HIKESHI: variants seen among roughly 807,000 people sequenced by gnomAD.
The protein encoded by HIKESHI is heat shock protein nuclear import factor hikeshi.
A neutral mutation model predicts 25.7 loss-of-function variants in HIKESHI; 13 were observed. The observed-to-expected ratio is 0.51, with a 90% CI of 0.33 to 0.80. The LOEUF (loss-of-function observed/expected upper bound fraction) is 0.80, where lower values mean the gene tolerates loss of function less well. HIKESHI is among the 30% of genes least tolerant of loss of function. HIKESHI has a pLI of 0.02. For missense variants in HIKESHI, 174 were observed against 229.5 expected, an observed-to-expected ratio of 0.76 and a Z score of 1.56; for synonymous variants, 76 against 78.7, an observed-to-expected ratio of 0.97 and a Z score of 0.18.
intron 2 of HIKESHI, among the ~76,000 whole-genome samples, chr11:86,333,557 C>T (rs77690162): frequency 1.4e-5 from 2 of 144,602 alleles, no homozygotes; most frequent in African/African-American, 5.1e-5. Flanking sequence ...AACAAACAAA[C>T]AAAAAAAAAA....
intron 2 of HIKESHI, among the ~76,000 whole-genome samples, chr11:86,329,866 T>C (rs1947377401): frequency 6.6e-6 from 1 of 152,102 alleles, no homozygotes; most frequent in South Asian, 2.1e-4. Context: ...ATAAATTTCC[T>C]TTATAACATA....
At chr11:86,305,060 C>T (rs960366975) in intron 1 of HIKESHI, among the ~76,000 whole-genome samples, 11 of 152,266 alleles carry the variant, frequency 7.2e-5, no homozygotes, top group Non-Finnish European at 1.2e-4. Flanking sequence ...AGTGCAGTGG[C>T]GGGACCTCGG....
intron 2 of HIKESHI, among the ~76,000 whole-genome samples, chr11:86,334,619 A>G (rs1947502002): frequency 1.3e-5 from 2 of 152,180 alleles, no homozygotes; most frequent in African/African-American, 4.8e-5. Flanking sequence ...TCTGGATTTT[A>G]GCATAATTCT....
intron 2 of HIKESHI, among the ~76,000 whole-genome samples, chr11:86,318,649 T>TA (rs1947063033): frequency 6.6e-6 from 1 of 152,140 alleles, no homozygotes; most frequent in Non-Finnish European, 1.5e-5. Context: ...TGAAGTTATT[T>TA]AAAAAATTTT....
chr11:86,314,980 C>T lies in HIKESHI; in HGVS notation c.268+8498C>T, dbSNP rs1188573932. 2.6e-5 allele frequency among the ~76,000 whole-genome samples: 4 copies of T among 152,316 alleles called. No homozygotes were observed. The East Asian group carries it at 5.8e-4, about 22-fold the overall frequency. ...GCAAGCTAAAGTTTGAGTACTTCTG[C>T]TCTAGGGCATTCATGGTACACATAC... is the stretch of plus-strand genomic sequence containing the variant. On this transcript the variant is annotated intron_variant, in intron 2 of 4. Coordinates refer to ENST00000278483, the MANE Select transcript of HIKESHI (RefSeq NM_016401.4).
chr11:86,326,026 C>T (rs1023491538), intron 2 of HIKESHI, among the ~76,000 whole-genome samples: 22 of 150,938 alleles, frequency 1.5e-4, no homozygotes, highest in African/African-American at 3.9e-4. Flanking sequence ...GGCCAGGCAC[C>T]GTGGCTCACG....
intron 1 of HIKESHI, among the ~76,000 whole-genome samples, chr11:86,304,290 A>T (rs1244817922): frequency 1.3e-5 from 2 of 152,158 alleles, no homozygotes; most frequent in African/African-American, 4.8e-5. Context: ...AAACTTACCT[A>T]ACACACATAT....
chr11:86,302,370 G>A lies in HIKESHI; in HGVS notation c.-79G>A, dbSNP rs1946517273. The A allele has an allele frequency of 5.9e-6, 9 of 1,532,076 alleles. No homozygotes were observed. The South Asian group carries it at 1.1e-4, about 18-fold the overall frequency. The allele number at this position is 1,532,076 out of a possible 1,614,324, so 94.9% of individuals were successfully genotyped here. A position where few individuals can be genotyped will look rare whatever the true frequency, so the allele number is the denominator to read the frequency against. ...TCCCGCAAATTCTGGAAGGTTCTTA[G>A]TCTCGACTAGGGCAGTAGCCCCAGG... On this transcript the variant is annotated 5_prime_UTR_variant, in exon 1 of 5. Coordinates refer to ENST00000278483, the MANE Select transcript of HIKESHI (RefSeq NM_016401.4).
At chr11:86,311,646 GAC>G (rs1946837199) in intron 2 of HIKESHI, among the ~76,000 whole-genome samples, 3 of 152,120 alleles carry the variant, frequency 2.0e-5, no homozygotes, top group African/African-American at 7.2e-5. Flanking sequence ...TTTTAATTGT[GAC>G]GTTAGGGTGT....
intron 2 of HIKESHI, among the ~76,000 whole-genome samples, chr11:86,314,817 C>T (rs1946930499): frequency 6.6e-6 from 1 of 152,160 alleles, no homozygotes; most frequent in South Asian, 2.1e-4. Context: ...TGAGCTCCTT[C>T]CTGATCTGCA....
In HIKESHI at chr11:86,306,477, A is replaced by C. The variant is rs540343847; in HGVS notation, c.263A>C (p.Lys88Thr). Residue 88 changes from lysine to threonine, a missense_variant, in exon 2 of 5, where the codon AAA becomes ACA. By Grantham distance (78) the Lys-to-Thr change is moderately conservative (BLOSUM62 -1). Coordinates refer to ENST00000278483, the MANE Select transcript of HIKESHI (RefSeq NM_016401.4). ...GCCATCTTCAAAATTTCAGGTCTTA[A>C]ATCTGGTAAGAATAATATATTAAAG... ...PSAIFKISGL[K>T]SGEGSQHPFG... 9 of 1,578,950 alleles carry C rather than the reference A, an allele frequency of 5.7e-6. No homozygotes were observed. In the South Asian group the frequency reaches 1.0e-4, roughly 18 times the overall value.
chr11:86,311,303 C>G (rs1303977714), intron 2 of HIKESHI, among the ~76,000 whole-genome samples: 1 of 152,110 alleles, frequency 6.6e-6, no homozygotes, highest in South Asian at 2.1e-4. Flanking sequence ...GTGTATGTGT[C>G]AAGGAATTTA....
intron 2 of HIKESHI, among the ~76,000 whole-genome samples, chr11:86,335,906 A>C (rs1351373386): frequency 6.6e-6 from 1 of 152,252 alleles, no homozygotes; most frequent in Non-Finnish European, 1.5e-5. Context: ...AAACAAAGTA[A>C]GGCTCTTATA....
Position 86,345,710 on chromosome 11 carries a change from T to G in HIKESHI, c.*72T>G, listed in dbSNP as rs1043310883. On this transcript the variant is annotated 3_prime_UTR_variant, in exon 5 of 5. Coordinates refer to ENST00000278483, the MANE Select transcript of HIKESHI (RefSeq NM_016401.4). ...GAAGATAACTGACTCCATCTAAAAG[T>G]ATGAGGTCAAAGGATCACGAAACCT... 1.1e-4 allele frequency: 101 copies of G among 913,388 alleles called. No homozygotes were observed. Among genetic ancestry groups the G allele is most frequent in the Non-Finnish European group, 1.6e-4 (96 of 592,758 alleles). 56.6% of individuals were successfully genotyped at this position (913,388 alleles called of 1,614,324 possible).
At chr11:86,337,674 G>C (rs1301073710) in intron 3 of HIKESHI, 144 bp downstream of exon 3, 5 of 1,001,098 alleles carry the variant, frequency 5.0e-6, no homozygotes, top group Non-Finnish European at 7.1e-6. Context: ...TTTTGTTTTT[G>C]AGAGATGGAG....
intron 3 of HIKESHI, among the ~76,000 whole-genome samples, chr11:86,339,020 T>G (rs1387533038): frequency 1.3e-5 from 2 of 152,232 alleles, no homozygotes; most frequent in African/African-American, 4.8e-5. Flanking sequence ...ATTATGTAAC[T>G]ACTCTGTACC....
intron 2 of HIKESHI, among the ~76,000 whole-genome samples, chr11:86,334,233 A>AAT (rs1350080351): frequency 7.8e-6 from 1 of 128,504 alleles, no homozygotes; most frequent in African/African-American, 3.1e-5. Flanking sequence ...TTCTTTGTAA[A>AAT]ATATGTGTGT....
At chr11:86,327,475 C>T (rs908512228) in intron 2 of HIKESHI, among the ~76,000 whole-genome samples, 3 of 152,080 alleles carry the variant, frequency 2.0e-5, no homozygotes, top group Admixed American at 6.5e-5. Context: ...CCACCACGCC[C>T]GGCTAATTTT....
intron 2 of HIKESHI, among the ~76,000 whole-genome samples, chr11:86,317,067 C>G (rs1479274093): frequency 6.6e-6 from 1 of 152,064 alleles, no homozygotes. Context: ...GCTGGGATTA[C>G]AGGCATGAGC....
Sources: allele counts gnomAD v4.1 joint callset (sites outside exome capture counted in the v4.1 genomes callset), GRCh38; gene constraint gnomAD v4.1.1; transcripts MANE v1.5; gene names NCBI Gene and HGNC (gene_info 2026-07-23, HGNC 2026-07-21).